The following RGPD3 variants were observed in gnomAD, a reference collection of about 807,000 sequenced individuals.
RGPD3 encodes the protein RANBP2 like and GRIP domain containing 3.
Under a neutral mutation model 154.5 loss-of-function variants are expected in RGPD3, and 62 were observed. The observed-to-expected ratio is 0.40, with a 90% CI of 0.33 to 0.50. The LOEUF (loss-of-function observed/expected upper bound fraction) is 0.50, where lower values mean the gene tolerates loss of function less well. RGPD3 is among the 20% of genes least tolerant of loss of function. The probability of loss-of-function intolerance (pLI) is 0.59; values close to 1 mark genes in which losing one functional copy is unlikely to be tolerated. For synonymous variants in RGPD3, 308 were observed against 607.0 expected (o/e 0.51, Z 7.24); for missense variants, 919 against 1,716.8 (o/e 0.54, Z 8.21).
chr2:106,417,097 A>T, intron 20 of RGPD3, among the ~76,000 whole-genome samples: 1 of 9,244 alleles, frequency 1.1e-4, no homozygotes, highest in African/African-American at 5.1e-4. Flanking sequence ...AGCAGGCAGA[A>T]AAACCTGAAA....
upstream of RGPD3, among the ~76,000 whole-genome samples, chr2:106,469,401 A>G (rs141031900): frequency 1.6e-3 from 244 of 151,864 alleles, no homozygotes; most frequent in Non-Finnish European, 3.1e-3. Flanking sequence ...CACACAAAAC[A>G]CTCTGACGCT....
At chr2:106,468,191 C>T (rs9753463) in intron 1 of RGPD3, 26 bp downstream of exon 1, 3 of 1,589,150 alleles carry the variant, frequency 1.9e-6, no homozygotes, top group African/African-American at 1.3e-5. Context: ...AGGTCGAGGC[C>T]GTCGGTCTCT....
At chr2:106,437,944 G>C (rs538257751) in intron 9 of RGPD3, among the ~76,000 whole-genome samples, 1 of 152,166 alleles carries the variant, frequency 6.6e-6, no homozygotes, top group Non-Finnish European at 1.5e-5. Context: ...AACACTTTTT[G>C]TTTCTGAGAC....
chr2:106,434,416 A>G (rs1177513719), intron 14 of RGPD3, 42 bp from the exon 15 acceptor site: 1 of 1,607,170 alleles, frequency 6.2e-7, no homozygotes, highest in Non-Finnish European at 8.5e-7. Context: ...GCTTTTTAAA[A>G]CAAAAAACTT....
At chr2:106,450,389 C>T (rs1678075554) in intron 6 of RGPD3, among the ~76,000 whole-genome samples, 2 of 145,232 alleles carry the variant, frequency 1.4e-5, no homozygotes, top group African/African-American at 5.1e-5. Context: ...CAGCCCTAAG[C>T]CACACTGTGA....
chr2:106,414,349 A>C (rs1449594966), intron 21 of RGPD3, among the ~76,000 whole-genome samples: 30 of 152,064 alleles, frequency 2.0e-4, no homozygotes, highest in South Asian at 1.5e-3. Flanking sequence ...TTTGGCCAGG[A>C]GTGGTGGCTC....
At chr2:106,411,491 G>T (rs1676670609) in intron 22 of RGPD3, among the ~76,000 whole-genome samples, 1 of 146,926 alleles carries the variant, frequency 6.8e-6, no homozygotes, top group Non-Finnish European at 1.5e-5. Context: ...TTAATAAGTG[G>T]CACATTAAAA....
At chr2:106,468,480 G>C (rs9751486), upstream of RGPD3, 45 of 1,157,494 alleles carry the variant, frequency 3.9e-5, no homozygotes, top group Middle Eastern at 5.9e-4. Flanking sequence ...AGCTGCACTC[G>C]GCTGGGCTCT....
Position 106,415,847 on chromosome 2 carries a change from C to T in RGPD3, c.5064+3G>A. The T allele has an allele frequency of 2.5e-6, 4 of 1,611,786 alleles. No individual in the cohort carries two copies. The highest frequency in any genetic ancestry group is 2.5e-6 in the Non-Finnish European group (3 of 1,179,822). On this transcript the variant is annotated splice_donor_region_variant and intron_variant, in intron 21 of 22. Coordinates refer to ENST00000409886, the MANE Select transcript of RGPD3 (RefSeq NM_001144013.2). The stretch of plus-strand genomic sequence containing the variant: ...TTATGGTGGCCAGGTTTTCTGATCT[C>T]ACCTTAATTTGCTCCATAAGGACTG...
intron 17 of RGPD3, among the ~76,000 whole-genome samples, chr2:106,432,649 CGT>C (rs1677399166): frequency 9.9e-6 from 1 of 101,126 alleles, no homozygotes; most frequent in African/African-American, 3.7e-5. Flanking sequence ...GGCCTAGTGG[CGT>C]GTGACTGTCT....
At chr2:106,462,664 T>C (rs2104520125) in intron 1 of RGPD3, among the ~76,000 whole-genome samples, 1 of 152,302 alleles carries the variant, frequency 6.6e-6, no homozygotes, top group African/African-American at 2.4e-5. Flanking sequence ...GCCTACTTTT[T>C]CATTATGCAG....
At position 106,423,732 on chromosome 2, in the gene RGPD3, G is replaced by A. The variant is rs768007321; in HGVS notation, c.4235C>T (p.Thr1412Ile). 21 of 1,611,538 alleles carry A rather than the reference G, an allele frequency of 1.3e-5. 1 individual carries two copies. The East Asian group carries it at 4.2e-4, about 32-fold the overall frequency. ...VLKLCANHRI[T>I]PDMSLQNMKG... ...CATATTTTGCAAACTCATGTCTGGA[G>A]TTATTCTGTGATTGGCACAAAGTTT... Residue 1412 changes from threonine (T) to isoleucine (I), a missense_variant, in exon 20 of 23, where the codon ACT becomes ATT. Thr to Ile is a moderately conservative substitution (Grantham distance 89). Coordinates refer to ENST00000409886, the MANE Select transcript of RGPD3 (RefSeq NM_001144013.2).
chr2:106,466,722 C>G (rs866026737), intron 1 of RGPD3, among the ~76,000 whole-genome samples: 5 of 34,598 alleles, frequency 1.4e-4, no homozygotes, highest in Admixed American at 6.5e-4. Context: ...GTCGAGGCCG[C>G]CGCCTCAACA....
rs114641853 is a variant in RGPD3 at position 106,468,221 on chromosome 2, C to G, written c.68G>C (p.Arg23Pro). 7,484 of 1,605,320 alleles carry G rather than the reference C, an allele frequency of 4.7e-3. 256 individuals carry two copies. The South Asian group carries it at 0.059, about 13-fold the overall frequency. Residue 23 changes from arginine to proline, a missense_variant, in exon 1 of 23, where the codon CGA becomes CCA. By Grantham distance (103) the Arg-to-Pro change is moderately radical. Coordinates refer to ENST00000409886, the MANE Select transcript of RGPD3 (RefSeq NM_001144013.2). ...GTCTCTTCCAGACCCACTCACCTTTCGAGGCGACGGGGCGGAGCCCTGCAC... is the reference window on the plus strand; with the variant it reads ...GTCTCTTCCAGACCCACTCACCTTTGGAGGCGACGGGGCGGAGCCCTGCAC... ...ASVQGSAPSP[R>P]KKSTRGFYFA...
In RGPD3 at chr2:106,424,847, T is replaced by C; in HGVS notation, c.3120A>G (p.Pro1040=). The change falls in exon 20 of 23, where the codon CCA becomes CCG. Residue 1040 remains proline, a synonymous_variant. Coordinates refer to ENST00000409886, the MANE Select transcript of RGPD3 (RefSeq NM_001144013.2). ...TEDSDDIHFE[P]VVQMPEKVEL... ...CTACTTTTTCAGGCATTTGAACTAC[T>C]GGTTCAAAATGGATGTCATCGCTGT... 1.2e-6 allele frequency: 2 copies of C among 1,611,782 alleles called. No individual in the cohort carries two copies. Among genetic ancestry groups the C allele is most frequent in the Non-Finnish European group, 1.7e-6 (2 of 1,179,790 alleles).
At position 106,403,592 on chromosome 2, in the gene RGPD3, C is replaced by A. The variant is rs1676424433; in HGVS notation, c.*1627G>T. On this transcript the variant is annotated 3_prime_UTR_variant, in exon 23 of 23. Transcript: ENST00000409886. Reference sequence around the variant, plus strand: ...ATACAGACTTCAAAAGGTCTCAAGTCAAAGAGAAAGTGAAATATATTTAAA... The same window carrying A: ...ATACAGACTTCAAAAGGTCTCAAGTAAAAGAGAAAGTGAAATATATTTAAA... Among the ~76,000 whole-genome samples, 1 of 152,230 alleles carries A rather than the reference C, an allele frequency of 6.6e-6. No homozygotes were observed. The highest frequency in any genetic ancestry group is 2.1e-4 in the South Asian group (1 of 4,838).
rs1481891108 is a variant in RGPD3, at chr2:106,436,415, C to A, written c.1633G>T (p.Val545Leu). The A allele has an allele frequency of 8.3e-7, 1 of 1,208,542 alleles. No homozygotes were observed. Among genetic ancestry groups the A allele is most frequent in the East Asian group, 2.5e-5 (1 of 39,860 alleles). The allele number at this position is 1,208,542 out of a possible 1,614,324, so 74.9% of individuals were successfully genotyped here. ...AVCTLIHRKA[V>L]PGNSAKLRLL... ...CAATATTTTTGTTTTACTACTTACA[C>A]TGCTTTTCTGTGAATCAGAGTACAA... Residue 545 changes from valine to leucine, a missense_variant and splice_region_variant, in exon 11 of 23, where the codon GTA (valine) becomes TTA (leucine). Coordinates refer to ENST00000409886, the MANE Select transcript of RGPD3 (RefSeq NM_001144013.2).
intron 1 of RGPD3, among the ~76,000 whole-genome samples, chr2:106,467,623 C>T (rs778206405): frequency 3.7e-4 from 53 of 143,420 alleles, no homozygotes; most frequent in Non-Finnish European, 7.2e-4. Flanking sequence ...CGGGCCGGGT[C>T]GAGGCAGCCG....
chr2:106,426,795 C>T (rs1239072702), intron 18 of RGPD3, among the ~76,000 whole-genome samples: 33 of 152,234 alleles, frequency 2.2e-4, no homozygotes, highest in African/African-American at 7.0e-4. Flanking sequence ...ATCTTTCATG[C>T]CTGTACATGG....
Sources: allele counts gnomAD v4.1 joint callset (sites outside exome capture counted in the v4.1 genomes callset), GRCh38; gene constraint gnomAD v4.1.1; transcripts MANE v1.5; gene names NCBI Gene and HGNC (gene_info 2026-07-23, HGNC 2026-07-21).